Variants in THSD1 observed in about 807,000 individuals in gnomAD.
THSD1 encodes the protein thrombospondin type-1 domain-containing protein 1.
A neutral mutation model predicts 46.3 loss-of-function variants in THSD1; 34 were observed. The ratio of observed to expected loss-of-function variants is 0.74; its 90% CI spans 0.56 to 0.98. The LOEUF (loss-of-function observed/expected upper bound fraction) is 0.98. Among genes scored for constraint, THSD1 ranks in the 50% least tolerant of loss-of-function variants. The probability of loss-of-function intolerance (pLI) is 0.00; values close to 1 mark genes in which losing one functional copy is unlikely to be tolerated. For synonymous variants in THSD1, 407 were observed against 416.5 expected (o/e 0.98, Z 0.28); for missense variants, 1,023 against 1,058.3 (o/e 0.97, Z 0.46).
chr13:52,397,565 A>C lies in THSD1; in HGVS notation c.688T>G (p.Ser230Ala). The change falls in exon 3 of 5, where the codon TCC becomes GCC. Residue 230 changes from serine to alanine, a missense_variant. Transcript: ENST00000258613. ...KLLGRDSVIT[S>A]TGPIDLAQKF... ...TGGGCCAGGTCAATGGGTCCTGTGG[A>C]GGTAATGACTGAGTCTCGCCCAAGC... is the stretch of plus-strand genomic sequence containing the variant. The C allele has an allele frequency of 6.2e-7, 1 of 1,614,162 alleles. No individual in the cohort carries two copies. Among genetic ancestry groups the C allele is most frequent in the African/African-American group, 1.3e-5 (1 of 75,026 alleles).
chr13:52,384,313 G>A lies in THSD1; in HGVS notation c.1180+1715C>T, dbSNP rs548996583. 3.3e-5 allele frequency: 15 copies of A among 448,158 alleles called. 1 individual carries two copies. The Admixed American group carries it at 3.4e-4, about 10-fold the overall frequency. The allele number at this position is 448,158 out of a possible 1,614,324, so 27.8% of individuals were successfully genotyped here. On this transcript the variant is annotated intron_variant, in intron 4 of 4. Coordinates refer to ENST00000258613, the MANE Select transcript of THSD1 (RefSeq NM_018676.4). Reference sequence around the variant, plus strand: ...AAGCCAGATTGGCCTGTATATAAAGGCAAGGTATTCAAGATCGATAGCTTA... The same window carrying A: ...AAGCCAGATTGGCCTGTATATAAAGACAAGGTATTCAAGATCGATAGCTTA...
intron 3 of THSD1, among the ~76,000 whole-genome samples, chr13:52,393,192 A>T (rs1204685165): frequency 1.3e-5 from 2 of 152,212 alleles, no homozygotes; most frequent in African/African-American, 4.8e-5. Flanking sequence ...TTCATCACCT[A>T]TAAAATTGAC....
chr13:52,392,302 CA>C (rs1957780023), intron 3 of THSD1, among the ~76,000 whole-genome samples: 1 of 150,846 alleles, frequency 6.6e-6, no homozygotes. Flanking sequence ...TCAAATTAAT[CA>C]AACAGTAAAC....
chr13:52,388,122 A>T (rs1957747007), intron 3 of THSD1, among the ~76,000 whole-genome samples: 1 of 151,994 alleles, frequency 6.6e-6, no homozygotes, highest in South Asian at 2.1e-4. Flanking sequence ...AAATTATCCA[A>T]GCCAGAAGAT....
chr13:52,395,323 A>G (rs1426398806), intron 3 of THSD1, among the ~76,000 whole-genome samples: 1 of 152,152 alleles, frequency 6.6e-6, no homozygotes, highest in African/African-American at 2.4e-5. Context: ...AGATTGAGAC[A>G]CTCAGGAGAC....
In THSD1 at chr13:52,403,344, G is replaced by A. The variant is rs190246142; in HGVS notation, c.-81-663C>T. ...AGACAAATAACAATCATCTTCATCAGTCCTGCAATACTTGTTGCTGCTGGT... is the reference window on the plus strand; with the variant it reads ...AGACAAATAACAATCATCTTCATCAATCCTGCAATACTTGTTGCTGCTGGT... On this transcript the variant is annotated intron_variant, in intron 1 of 4. Coordinates refer to ENST00000258613, the MANE Select transcript of THSD1 (RefSeq NM_018676.4). Among the ~76,000 whole-genome samples, 189 of 152,258 alleles carry A rather than the reference G, an allele frequency of 1.2e-3. 1 individual carries two copies. Among genetic ancestry groups the A allele is most frequent in the Non-Finnish European group, 7.1e-4 (48 of 68,026 alleles).
At chr13:52,385,679 G>A (rs561199866) in intron 4 of THSD1, among the ~76,000 whole-genome samples, 1 of 132,158 alleles carries the variant, frequency 7.6e-6, no homozygotes, top group South Asian at 2.5e-4. Context: ...TTTTGGTGGG[G>A]AGAAACAGAG....
rs980557492 is a variant in THSD1 at position 52,398,095 on chromosome 13, T to C, written c.158A>G (p.Asn53Ser). ...YVDFQYFDGA[N>S]GTLRNVSVLL... ...GACAGATACATTCCTCAGTGTCCCA[T>C]TAGCACCATCAAAATACTGGAAATC... Residue 53 changes from asparagine (N) to serine (S), a missense_variant, in exon 3 of 5, where the codon AAT (asparagine) becomes AGT (serine). Physicochemically the swap from Asn to Ser is conservative, Grantham distance 46. Transcript: ENST00000258613. 1.2e-6 allele frequency: 2 copies of C among 1,614,164 alleles called. No individual in the cohort carries two copies. The highest frequency in any genetic ancestry group is 1.7e-6 in the Non-Finnish European group (2 of 1,180,032).
At position 52,378,385 on chromosome 13, in the gene THSD1, T is replaced by G. The variant is rs747345437; in HGVS notation, c.1585A>C (p.Ser529Arg). The part of the protein sequence containing the change: ...NAQKIIPPLF[S>R]YRLAQQQLKE... The stretch of plus-strand genomic sequence containing the variant: ...AACTGCTGCTGGGCAAGGCGGTAGC[T>G]GAACAGAGGTGGGATTATCTTCTGG... Residue 529 changes from serine to arginine, a missense_variant, in exon 5 of 5, where the codon AGC becomes CGC. By Grantham distance (110) the Ser-to-Arg change is moderately radical. Transcript: ENST00000258613. 6.2e-7 allele frequency: 1 copy of G among 1,613,972 alleles called. No individual in the cohort carries two copies. The highest frequency in any genetic ancestry group is 1.3e-5 in the African/African-American group (1 of 74,928).
At chr13:52,379,864 T>C (rs1478164088) in intron 4 of THSD1, among the ~76,000 whole-genome samples, 1 of 152,196 alleles carries the variant, frequency 6.6e-6, no homozygotes, top group Non-Finnish European at 1.5e-5. Flanking sequence ...ACATCGGAAG[T>C]ATAAAATGTG....
At position 52,397,979 on chromosome 13, in the gene THSD1, A is replaced by G; in HGVS notation, c.274T>C (p.Tyr92His). Residue 92 changes from tyrosine to histidine, a missense_variant, in exon 3 of 5, where the codon TAT (tyrosine) becomes CAT (histidine). Tyr to His is a moderately conservative substitution (Grantham distance 83). Transcript: ENST00000258613. ...SQGTLKFECF[Y>H]FKEAGDYWFT... ...CAGTAGTCACCAGCCTCCTTGAAAT[A>G]GAAGCACTCAAACTTTAGTGTTCCC... 1 of 1,614,258 alleles carries G rather than the reference A, an allele frequency of 6.2e-7. No individual in the cohort carries two copies. The highest frequency in any genetic ancestry group is 8.5e-7 in the Non-Finnish European group (1 of 1,180,040).
At chr13:52,388,530 G>T (rs1194371883) in intron 3 of THSD1, among the ~76,000 whole-genome samples, 1 of 152,232 alleles carries the variant, frequency 6.6e-6, no homozygotes, top group Non-Finnish European at 1.5e-5. Flanking sequence ...CCAGGATGGA[G>T]TGCAATGGTG....
Position 52,377,558 on chromosome 13 carries a change from G to A in THSD1, c.2412C>T (p.Pro804=), listed in dbSNP as rs776907289. Reference sequence around the variant, plus strand: ...CATAGAAGGCAAACTCAGGGTGAGTGGGGAAGCTTTGACACTTGTCTTTTC... The same window carrying A: ...CATAGAAGGCAAACTCAGGGTGAGTAGGGAAGCTTTGACACTTGTCTTTTC... The part of the protein sequence containing the change: ...QCRKDKCQSF[P]THPEFAFYDN... Residue 804 remains proline (P), a synonymous_variant, in exon 5 of 5, where the codon CCC becomes CCT. Transcript: ENST00000258613. The A allele has an allele frequency of 1.2e-5, 19 of 1,602,230 alleles. No individual in the cohort carries two copies. The highest frequency in any genetic ancestry group is 1.5e-5 in the Non-Finnish European group (18 of 1,170,604).
intron 4 of THSD1, chr13:52,384,135 G>T: frequency 3.0e-6 from 1 of 334,904 alleles, no homozygotes; most frequent in South Asian, 2.4e-5. Context: ...CGTGAGCCGA[G>T]ATCGCACCAT....
chr13:52,384,363 T>C (rs536876434), intron 4 of THSD1: 3 of 455,974 alleles, frequency 6.6e-6, no homozygotes. Context: ...CCAGTGCCCC[T>C]ACTTTCTAGC....
In THSD1 at chr13:52,377,970, T is replaced by C; in HGVS notation, c.2000A>G (p.Glu667Gly). 1 of 1,614,148 alleles carries C rather than the reference T, an allele frequency of 6.2e-7. No homozygotes were observed. Among genetic ancestry groups the C allele is most frequent in the Non-Finnish European group, 8.5e-7 (1 of 1,180,048 alleles). Residue 667 changes from glutamate to glycine, a missense_variant, in exon 5 of 5, where the codon GAG becomes GGG. Glu to Gly is a moderately conservative substitution (Grantham distance 98, BLOSUM62 -2). Around this residue, in one of 3 missense-constraint regions of THSD1, gnomAD observed 578 missense variants for 497.4 expected, o/e 1.16. Transcript: ENST00000258613. ...HEARQARPFRERSMSTLTPRQ... is the reference protein window; with the variant it reads ...HEARQARPFRGRSMSTLTPRQ... ...TGGAGTCAGAGTGGACATGCTCCTC[T>C]CTCGGAACGGCCGGGCCTGCCTGGC...
chr13:52,394,067 G>C (rs547190608), intron 3 of THSD1, among the ~76,000 whole-genome samples: 1 of 152,060 alleles, frequency 6.6e-6, no homozygotes, highest in Non-Finnish European at 1.5e-5. Flanking sequence ...CCTCCACCTA[G>C]ACACACAGAG....
chr13:52,402,958 G>A, intron 1 of THSD1: 1 of 985,288 alleles, frequency 1.0e-6, no homozygotes, highest in Non-Finnish European at 1.2e-6. Flanking sequence ...AGCACATCCT[G>A]ACGTGGAGAG....
At chr13:52,393,117 G>A (rs1957785335) in intron 3 of THSD1, among the ~76,000 whole-genome samples, 1 of 152,110 alleles carries the variant, frequency 6.6e-6, no homozygotes, top group Non-Finnish European at 1.5e-5. Flanking sequence ...CTGGATTTGT[G>A]TTCTGACCCT....
Sources: allele counts gnomAD v4.1 joint callset (sites outside exome capture counted in the v4.1 genomes callset), GRCh38; gene constraint gnomAD v4.1.1; regional missense constraint gnomAD v4.1.1; transcripts MANE v1.5; gene names NCBI Gene and HGNC (gene_info 2026-07-23, HGNC 2026-07-21).